Variants in BRSK2 observed in about 807,000 individuals in gnomAD.
BRSK2 encodes the protein BR serine/threonine kinase 2.
Under a neutral mutation model 83.3 loss-of-function variants are expected in BRSK2, and 19 were observed. The observed-to-expected ratio is 0.23, with a 90% CI of 0.16 to 0.33. The LOEUF is 0.33. Ranked by LOEUF, BRSK2 falls within the 10% of genes least tolerant of loss-of-function variation. The probability of loss-of-function intolerance (pLI) is 1.00; values close to 1 mark genes in which losing one functional copy is unlikely to be tolerated. For synonymous variants in BRSK2, 519 were observed against 435.4 expected, an observed-to-expected ratio of 1.19 and a Z score of -2.39; for missense variants, 798 against 1,042.3, an observed-to-expected ratio of 0.77 and a Z score of 3.23.
chr11:1,445,948 C>T (rs778960193), intron 12 of BRSK2, 41 bp downstream of exon 12: 1 of 1,565,590 alleles, frequency 6.4e-7, no homozygotes, highest in Non-Finnish European at 8.6e-7. Flanking sequence ...CTCCCTGGGC[C>T]CTGGCTGCGC....
At chr11:1,458,217 C>T (rs867929208) in intron 18 of BRSK2, among the ~76,000 whole-genome samples, 5 of 152,034 alleles carry the variant, frequency 3.3e-5, no homozygotes, top group African/African-American at 7.2e-5. Flanking sequence ...AGCGCTCCTG[C>T]GTGGGCTGTA....
intron 1 of BRSK2, among the ~76,000 whole-genome samples, chr11:1,428,981 T>TGCACTG (rs1434208628): frequency 6.7e-6 from 1 of 149,728 alleles, no homozygotes; most frequent in Non-Finnish European, 1.5e-5. Context: ...TGTGGGCGTG[T>TGCACTG]GCACTGGGTG....
chr11:1,456,741 G>A, intron 18 of BRSK2, 54 bp downstream of exon 18: 2 of 1,531,066 alleles, frequency 1.3e-6, no homozygotes, highest in South Asian at 2.4e-5. Flanking sequence ...GGCGTGGCCA[G>A]CTGGTGCTGC....
At chr11:1,396,190 TC>T in intron 1 of BRSK2, among the ~76,000 whole-genome samples, 1 of 110,282 alleles carries the variant, frequency 9.1e-6, no homozygotes, top group African/African-American at 4.1e-5. Flanking sequence ...TCGTCTCTCT[TC>T]CCTTCCACCC....
chr11:1,448,135 C>A (rs901688563), intron 12 of BRSK2, among the ~76,000 whole-genome samples: 1 of 152,170 alleles, frequency 6.6e-6, no homozygotes, highest in African/African-American at 2.4e-5. Flanking sequence ...GGCTGCAGGC[C>A]GAGCCGCTCC....
chr11:1,449,985 CTG>C (rs1845608688), intron 13 of BRSK2, 149 bp downstream of exon 13: 1 of 601,242 alleles, frequency 1.7e-6, no homozygotes, highest in African/African-American at 1.9e-5. Flanking sequence ...GGCTGCTGCT[CTG>C]TGGCGCAGGC....
At chr11:1,424,360 A>G (rs1848964252) in intron 1 of BRSK2, among the ~76,000 whole-genome samples, 1 of 152,138 alleles carries the variant, frequency 6.6e-6, no homozygotes, top group Non-Finnish European at 1.5e-5. Flanking sequence ...TGTGGGGGCA[A>G]AAGGAAGAAG....
chr11:1,454,688 C>T lies in BRSK2; in HGVS notation c.1668+80C>T, dbSNP rs781709796. The stretch of plus-strand genomic sequence containing the variant: ...CAGCCCCGAGAATCCAGCCTCCTCA[C>T]GTAGACAGGACATGTCCACGCGCAC... On this transcript the variant is annotated intron_variant, in intron 16 of 19. Transcript: ENST00000528841. This position sits in a 1 kb window ranked among gnomAD's most constrained non-coding sequence, Gnocchi z 5.2. 43 of 1,556,128 alleles carry T rather than the reference C, an allele frequency of 2.8e-5. No homozygotes were observed. The highest frequency in any genetic ancestry group is 6.9e-5 in the Admixed American group (4 of 58,076).
At chr11:1,436,686 A>G (rs1850345782) in intron 2 of BRSK2, among the ~76,000 whole-genome samples, 1 of 152,018 alleles carries the variant, frequency 6.6e-6, no homozygotes, top group South Asian at 2.1e-4. Context: ...CCCTGGGTGT[A>G]GAGGAAGAGG....
At chr11:1,395,337 C>G (rs371319178) in intron 1 of BRSK2, among the ~76,000 whole-genome samples, 2 of 152,308 alleles carry the variant, frequency 1.3e-5, no homozygotes, top group East Asian at 3.9e-4. Context: ...TCCCTGGCCC[C>G]CTGAAGTCCC....
intron 1 of BRSK2, among the ~76,000 whole-genome samples, chr11:1,418,955 A>G (rs1848377943): frequency 6.6e-6 from 1 of 152,232 alleles, no homozygotes; most frequent in Non-Finnish European, 1.5e-5. Flanking sequence ...AGTGCCTGTC[A>G]CTAATAGAAG....
intron 15 of BRSK2, among the ~76,000 whole-genome samples, chr11:1,451,769 G>A (rs1390320697): frequency 7.2e-5 from 11 of 152,202 alleles, no homozygotes; most frequent in South Asian, 2.1e-4. Context: ...AAAGCAGCCC[G>A]TGTTAAGAAC....
chr11:1,403,663 G>A (rs1054027981), intron 1 of BRSK2, among the ~76,000 whole-genome samples: 1 of 152,192 alleles, frequency 6.6e-6, no homozygotes, highest in Admixed American at 6.5e-5. Flanking sequence ...AGCCCCCTTA[G>A]GTCCCTCACC....
rs1847459974 is a variant in BRSK2 at position 1,411,219 on chromosome 11, T to C, written c.91+20844T>C. ...GCCTTGCTGAGGGGAGAGCGGGTTC[T>C]GGACGTGCTCTGAGCTTCCTTCCTC... On this transcript the variant is annotated intron_variant, in intron 1 of 19. Transcript: ENST00000528841. 5 of 1,253,166 alleles carry C rather than the reference T, an allele frequency of 4.0e-6. No individual in the cohort carries two copies. The African/African-American group carries it at 6.2e-5, about 16-fold the overall frequency. The allele number at this position is 1,253,166 out of a possible 1,614,324, so 77.6% of individuals were successfully genotyped here. A position where few individuals can be genotyped will look rare whatever the true frequency, so the allele number is the denominator to read the frequency against.
intron 1 of BRSK2, chr11:1,411,544 C>A: frequency 6.4e-7 from 1 of 1,561,388 alleles, no homozygotes; most frequent in South Asian, 1.2e-5. Flanking sequence ...AGAGTGCCAG[C>A]TGGCCACACT....
chr11:1,393,304 C>T (rs552695310), intron 1 of BRSK2, among the ~76,000 whole-genome samples: 20 of 152,216 alleles, frequency 1.3e-4, no homozygotes, highest in Non-Finnish European at 2.5e-4. Flanking sequence ...TTGCCCAAAC[C>T]TCGGCTTAGC....
chr11:1,429,395 T>A (rs1849690234), intron 1 of BRSK2, among the ~76,000 whole-genome samples: 1 of 125,096 alleles, frequency 8.0e-6, no homozygotes, highest in East Asian at 2.4e-4. Flanking sequence ...GTGCACTGAG[T>A]GTAGGCACAG....
rs1417806737 is a variant in BRSK2 at position 1,394,552 on chromosome 11, T to C, written c.91+4177T>C. Among the ~76,000 whole-genome samples, 7 of 35,432 alleles carry C rather than the reference T, an allele frequency of 2.0e-4. No homozygotes were observed. The East Asian group carries it at 9.9e-3, about 50-fold the overall frequency. The allele number at this position is 35,432 out of a possible 152,430, so 23.2% of individuals were successfully genotyped here. A position where few individuals can be genotyped will look rare whatever the true frequency, so the allele number is the denominator to read the frequency against. ...CCTGGAGATGGGCCATGGAGATGGGTCCTGGAGATGGGTCCTGGAGATGGG... is the reference window on the plus strand; with the variant it reads ...CCTGGAGATGGGCCATGGAGATGGGCCCTGGAGATGGGTCCTGGAGATGGG... On this transcript the variant is annotated intron_variant, in intron 1 of 19. Coordinates refer to ENST00000528841, the MANE Select transcript of BRSK2 (RefSeq NM_001256627.2).
intron 1 of BRSK2, among the ~76,000 whole-genome samples, chr11:1,395,504 C>T (rs963531419): frequency 2.0e-5 from 3 of 152,202 alleles, no homozygotes; most frequent in Admixed American, 6.5e-5. Flanking sequence ...CTGTCAGGGC[C>T]CTTGGCACAG....
Sources: allele counts gnomAD v4.1 joint callset (sites outside exome capture counted in the v4.1 genomes callset), GRCh38; gene constraint gnomAD v4.1.1; non-coding constraint Gnocchi (gnomAD v3.1); transcripts MANE v1.5; gene names NCBI Gene and HGNC (gene_info 2026-07-23, HGNC 2026-07-21).